The following MAPK4 variants were observed in gnomAD, a reference collection of about 807,000 sequenced individuals.
MAPK4 encodes mitogen-activated protein kinase 4.
A neutral mutation model predicts 47.7 loss-of-function variants in MAPK4; 22 were observed. The ratio of observed to expected loss-of-function variants is 0.46; its 90% CI spans 0.33 to 0.66. The LOEUF is 0.66. Among genes scored for constraint, MAPK4 ranks in the 30% least tolerant of loss-of-function variants. The probability of loss-of-function intolerance (pLI) is 0.02; values close to 1 mark genes in which losing one functional copy is unlikely to be tolerated. For missense variants in MAPK4, 736 were observed against 831.7 expected, an observed-to-expected ratio of 0.88 and a Z score of 1.42; for synonymous variants, 390 against 365.7, an observed-to-expected ratio of 1.07 and a Z score of -0.76.
intron 2 of MAPK4, among the ~76,000 whole-genome samples, chr18:50,670,846 G>T (rs1324984922): frequency 6.6e-6 from 1 of 151,778 alleles, no homozygotes; most frequent in African/African-American, 2.4e-5. Context: ...GAACTTATTA[G>T]AGATACAGAT....
intron 2 of MAPK4, among the ~76,000 whole-genome samples, chr18:50,675,890 G>A (rs1391980761): frequency 6.6e-6 from 1 of 152,214 alleles, no homozygotes; most frequent in Non-Finnish European, 1.5e-5. Flanking sequence ...GCCTCCTAAA[G>A]TGCTGGGATT....
Position 50,678,509 on chromosome 18 carries a change from G to A in MAPK4, c.546+14005G>A, listed in dbSNP as rs1410574218. Among the ~76,000 whole-genome samples the A allele has an allele frequency of 6.6e-6, 1 of 152,170 alleles. No homozygotes were observed. The highest frequency in any genetic ancestry group is 1.5e-5 in the Non-Finnish European group (1 of 68,034). On this transcript the variant is annotated intron_variant, in intron 2 of 5. Coordinates refer to ENST00000400384, the MANE Select transcript of MAPK4 (RefSeq NM_002747.4). The surrounding 1 kb of genome is among the most constrained non-coding windows in gnomAD (Gnocchi z 4.2). ...ACCCCTCCACCCTGTACAGACTGGA[G>A]AGCGGGCCCTGTCTTCCCAGAGGTG...
chr18:50,595,852 C>T (rs910404429), intron 1 of MAPK4, among the ~76,000 whole-genome samples: 13 of 152,098 alleles, frequency 8.5e-5, no homozygotes, highest in African/African-American at 9.7e-5. Context: ...CTTCATCACA[C>T]GCTTTCCATT....
At chr18:50,676,299 T>G (rs1041879187) in intron 2 of MAPK4, among the ~76,000 whole-genome samples, 2 of 152,228 alleles carry the variant, frequency 1.3e-5, no homozygotes, top group Non-Finnish European at 2.9e-5. Flanking sequence ...AGGACTTCAC[T>G]CATTTCACTG....
intron 1 of MAPK4, among the ~76,000 whole-genome samples, chr18:50,561,442 T>G (rs1310413410): frequency 6.6e-6 from 1 of 152,194 alleles, no homozygotes; most frequent in East Asian, 1.9e-4. Context: ...ATTGAGCACC[T>G]ACCCCGTGCG....
At chr18:50,579,662 G>A (rs1485504587) in intron 1 of MAPK4, among the ~76,000 whole-genome samples, 1 of 152,142 alleles carries the variant, frequency 6.6e-6, no homozygotes, top group East Asian at 1.9e-4. Flanking sequence ...CACCTCCCAG[G>A]CCTATTCCCC....
chr18:50,626,650 C>T (rs2042781072), intron 1 of MAPK4, among the ~76,000 whole-genome samples: 1 of 152,170 alleles, frequency 6.6e-6, no homozygotes, highest in African/African-American at 2.4e-5. Context: ...CCCTTTCTTC[C>T]CGTCTCCTCC....
In MAPK4 at chr18:50,610,163, A is replaced by G. The variant is rs112980066; in HGVS notation, c.-871+49920A>G. On this transcript the variant is annotated intron_variant, in intron 1 of 5. Coordinates refer to ENST00000400384, the MANE Select transcript of MAPK4 (RefSeq NM_002747.4). ...TAAGGAGGGAGTTGGTTAAACAGGC[A>G]TGGGAGGCCTACCCTGAGGTAACAT... is the stretch of plus-strand genomic sequence containing the variant. 7.7e-3 allele frequency among the ~76,000 whole-genome samples: 1,173 copies of G among 152,320 alleles called. 8 individuals carry two copies. Among genetic ancestry groups the G allele is most frequent in the African/African-American group, 0.027 (1,123 of 41,578 alleles).
intron 1 of MAPK4, among the ~76,000 whole-genome samples, chr18:50,652,626 G>A (rs2043062655): frequency 1.3e-5 from 2 of 152,318 alleles, no homozygotes; most frequent in African/African-American, 4.8e-5. Context: ...GAATGCATTT[G>A]CACTGCTCAG....
At chr18:50,710,208 C>T (rs1910274331) in intron 2 of MAPK4, among the ~76,000 whole-genome samples, 1 of 152,216 alleles carries the variant, frequency 6.6e-6, no homozygotes, top group African/African-American at 2.4e-5. Flanking sequence ...CCAGGCCAGG[C>T]ACGGTGGCTC....
Position 50,598,427 on chromosome 18 carries a change from T to C in MAPK4, c.-871+38184T>C, listed in dbSNP as rs552686531. On this transcript the variant is annotated intron_variant, in intron 1 of 5. Transcript: ENST00000400384. ...ACATTAAATAATTAATTCTGGAGTT[T>C]TCTCTCTACAATAAGCAATGGCCTG... 9.2e-5 allele frequency among the ~76,000 whole-genome samples: 14 copies of C among 152,332 alleles called. No homozygotes were observed. The South Asian group carries it at 2.9e-3, about 32-fold the overall frequency.
intron 1 of MAPK4, among the ~76,000 whole-genome samples, chr18:50,644,072 C>T (rs1362055389): frequency 6.6e-6 from 1 of 152,150 alleles, no homozygotes; most frequent in Non-Finnish European, 1.5e-5. Flanking sequence ...GCCTCCCCTT[C>T]TCTTTGCAGC....
chr18:50,643,083 A>G (rs1294263379), intron 1 of MAPK4, among the ~76,000 whole-genome samples: 1 of 152,108 alleles, frequency 6.6e-6, no homozygotes, highest in Non-Finnish European at 1.5e-5. Flanking sequence ...TACCTCCCCA[A>G]TATTTTTTCC....
intron 2 of MAPK4, among the ~76,000 whole-genome samples, chr18:50,711,765 T>C (rs1910377912): frequency 6.6e-6 from 1 of 152,304 alleles, no homozygotes; most frequent in Non-Finnish European, 1.5e-5. Context: ...GCCAATATAC[T>C]TATTGATTTA....
intron 1 of MAPK4, among the ~76,000 whole-genome samples, chr18:50,640,511 G>T (rs1409246109): frequency 2.6e-5 from 4 of 152,010 alleles, no homozygotes; most frequent in South Asian, 2.1e-4. Flanking sequence ...ACCCAGGCTG[G>T]AGTGTGCAGT....
At chr18:50,727,022 T>A (rs1413755550) in intron 5 of MAPK4, among the ~76,000 whole-genome samples, 3 of 152,222 alleles carry the variant, frequency 2.0e-5, no homozygotes, top group Admixed American at 6.5e-5. Context: ...TAGGACCATT[T>A]CCTGCTAAAC....
At chr18:50,724,961 A>G (rs752033742) in intron 4 of MAPK4, among the ~76,000 whole-genome samples, 106 of 152,232 alleles carry the variant, frequency 7.0e-4, no homozygotes, top group Non-Finnish European at 1.3e-3. Context: ...CCTTGCGCTG[A>G]GATAACCCAG....
At chr18:50,669,751 C>A (rs1196932940) in intron 2 of MAPK4, 1 of 152,258 alleles carries the variant, frequency 6.6e-6, no homozygotes, top group African/African-American at 2.4e-5. Context: ...TGGTATAATA[C>A]AAGTTACTTT....
intron 2 of MAPK4, among the ~76,000 whole-genome samples, chr18:50,702,840 C>T (rs1397931272): frequency 2.6e-5 from 4 of 152,192 alleles, no homozygotes; most frequent in Admixed American, 2.6e-4. Context: ...GTACCACAAA[C>T]AGGGCCGGAC....
Sources: allele counts gnomAD v4.1 joint callset (sites outside exome capture counted in the v4.1 genomes callset), GRCh38; gene constraint gnomAD v4.1.1; non-coding constraint Gnocchi (gnomAD v3.1); transcripts MANE v1.5; gene names NCBI Gene and HGNC (gene_info 2026-07-23, HGNC 2026-07-21).